RNF150: variants seen among roughly 807,000 people sequenced by gnomAD.
RNF150 encodes the protein ring finger protein 150.
Under a neutral mutation model 39.3 loss-of-function variants are expected in RNF150, and 24 were observed. The ratio of observed to expected loss-of-function variants is 0.61; its 90% CI spans 0.44 to 0.86. The LOEUF (loss-of-function observed/expected upper bound fraction) is 0.86. RNF150 is among the 40% of genes least tolerant of loss of function. The pLI is 0.00. For missense variants in RNF150, 502 were observed against 587.8 expected, an observed-to-expected ratio of 0.85 and a Z score of 1.51; for synonymous variants, 255 against 227.3, an observed-to-expected ratio of 1.12 and a Z score of -1.10.
intron 1 of RNF150, among the ~76,000 whole-genome samples, chr4:141,196,456 C>T (rs912773216): frequency 6.6e-6 from 1 of 152,134 alleles, no homozygotes; most frequent in Non-Finnish European, 1.5e-5. Context: ...GTAATTTGTT[C>T]CTGCCACCTA....
chr4:141,128,488 T>C (rs1282756589), intron 1 of RNF150, among the ~76,000 whole-genome samples: 4 of 152,182 alleles, frequency 2.6e-5, no homozygotes, highest in South Asian at 4.1e-4. Flanking sequence ...TCATTTTCCT[T>C]AGGGTACACC....
At chr4:141,029,923 G>T (rs752563774) in intron 1 of RNF150, among the ~76,000 whole-genome samples, 2 of 152,160 alleles carry the variant, frequency 1.3e-5, no homozygotes, top group African/African-American at 2.4e-5. Flanking sequence ...CTGGCCAGGC[G>T]TGGTGGCTCA....
intron 1 of RNF150, among the ~76,000 whole-genome samples, chr4:141,108,867 A>G (rs532040064): frequency 1.3e-5 from 2 of 152,228 alleles, no homozygotes; most frequent in South Asian, 4.1e-4. Context: ...CATCCATCCC[A>G]TAATATGCAT....
chr4:140,875,564 C>T (rs1729123742), intron 6 of RNF150, among the ~76,000 whole-genome samples: 1 of 152,128 alleles, frequency 6.6e-6, no homozygotes, highest in African/African-American at 2.4e-5. Context: ...AAATTACATA[C>T]ACACATTTAT....
intron 1 of RNF150, among the ~76,000 whole-genome samples, chr4:141,159,310 C>T (rs1727472447): frequency 6.6e-6 from 1 of 152,112 alleles, no homozygotes; most frequent in African/African-American, 2.4e-5. Flanking sequence ...TGTGTTCCAA[C>T]AAAACTTAGT....
chr4:141,003,371 T>C (rs943275561), intron 1 of RNF150, among the ~76,000 whole-genome samples: 1 of 152,150 alleles, frequency 6.6e-6, no homozygotes, highest in South Asian at 2.1e-4. Context: ...TGGACTGAAC[T>C]ACAACCCTTG....
chr4:141,035,502 C>T (rs934870082), intron 1 of RNF150, among the ~76,000 whole-genome samples: 9 of 152,120 alleles, frequency 5.9e-5, no homozygotes, highest in East Asian at 3.8e-4. Flanking sequence ...GTATGCGATG[C>T]GATCCTATGC....
At chr4:141,129,448 G>A (rs1038631522) in intron 1 of RNF150, among the ~76,000 whole-genome samples, 11 of 152,196 alleles carry the variant, frequency 7.2e-5, no homozygotes, top group African/African-American at 2.7e-4. Flanking sequence ...GATTAGCCTA[G>A]GGCTGGGAGT....
At chr4:140,910,951 G>A in intron 6 of RNF150, 193 bp downstream of exon 6, 1 of 605,198 alleles carries the variant, frequency 1.7e-6, no homozygotes, top group Non-Finnish European at 2.9e-6. Flanking sequence ...TGGGCACACA[G>A]AGCCAGGTGG....
At position 140,995,560 on chromosome 4, in the gene RNF150, A is replaced by G. The variant is rs552157471; in HGVS notation, c.485-27687T>C. 1.3e-4 allele frequency among the ~76,000 whole-genome samples: 20 copies of G among 152,248 alleles called. 1 individual carries two copies. The highest frequency in any genetic ancestry group is 4.8e-4 in the African/African-American group (20 of 41,554). On this transcript the variant is annotated intron_variant, in intron 1 of 6. Coordinates refer to ENST00000515673, the MANE Select transcript of RNF150 (RefSeq NM_020724.2). ...GTAAACTGACATGGCACAATGGTGG[A>G]CGTGTCTTATGGAAAGCTGCTTCCG...
chr4:141,068,545 C>T (rs1422708439), intron 1 of RNF150, among the ~76,000 whole-genome samples: 2 of 151,844 alleles, frequency 1.3e-5, no homozygotes, highest in Non-Finnish European at 2.9e-5. Context: ...GATGCGGGCT[C>T]TTTTTTGGTT....
chr4:141,208,950 T>C (rs1728418981), intron 1 of RNF150, among the ~76,000 whole-genome samples: 1 of 152,192 alleles, frequency 6.6e-6, no homozygotes, highest in Admixed American at 6.5e-5. Flanking sequence ...GAGCAGATAC[T>C]ATACATCCTG....
intron 1 of RNF150, among the ~76,000 whole-genome samples, chr4:140,995,403 A>G (rs529157070): frequency 6.6e-6 from 1 of 152,268 alleles, no homozygotes; most frequent in East Asian, 1.9e-4. Flanking sequence ...ATTTATAACC[A>G]CTTTTAGTTA....
intron 1 of RNF150, among the ~76,000 whole-genome samples, chr4:141,169,148 C>T (rs1727657443): frequency 6.6e-6 from 1 of 151,966 alleles, no homozygotes; most frequent in African/African-American, 2.4e-5. Flanking sequence ...GGGTGATTTC[C>T]AATTGTTTAG....
intron 1 of RNF150, among the ~76,000 whole-genome samples, chr4:141,042,200 C>T (rs1485699856): frequency 6.6e-6 from 1 of 152,062 alleles, no homozygotes; most frequent in Non-Finnish European, 1.5e-5. Flanking sequence ...ATTCAATTTA[C>T]TTAACAGTGT....
chr4:141,189,590 C>T (rs893378614), intron 1 of RNF150, among the ~76,000 whole-genome samples: 1 of 152,144 alleles, frequency 6.6e-6, no homozygotes, highest in Non-Finnish European at 1.5e-5. Context: ...TTCAGAGATG[C>T]CCTGCTCAGT....
At chr4:140,878,586 C>T (rs556621654) in intron 6 of RNF150, among the ~76,000 whole-genome samples, 122 of 152,202 alleles carry the variant, frequency 8.0e-4, no homozygotes, top group African/African-American at 2.9e-3. Flanking sequence ...AAGTCCTTTG[C>T]CTATTTTTCA....
At chr4:141,006,624 C>G (rs752887176) in intron 1 of RNF150, among the ~76,000 whole-genome samples, 1 of 152,174 alleles carries the variant, frequency 6.6e-6, no homozygotes, top group African/African-American at 2.4e-5. Flanking sequence ...TGCCAAAATC[C>G]TTATCTATTT....
At chr4:141,178,274 A>G (rs1342298806) in intron 1 of RNF150, among the ~76,000 whole-genome samples, 1 of 152,048 alleles carries the variant, frequency 6.6e-6, no homozygotes, top group Admixed American at 6.6e-5. Flanking sequence ...GTGCGCATGC[A>G]CACACATGCT....
Sources: gnomAD v4.1 joint callset for allele counts (sites outside exome capture counted in the v4.1 genomes callset) on GRCh38, gnomAD v4.1.1 for gene constraint, MANE v1.5 for transcripts, NCBI Gene and HGNC (gene_info 2026-07-23, HGNC 2026-07-21) for gene names.